CCDC85A: variants seen among roughly 807,000 people sequenced by gnomAD.
The protein encoded by CCDC85A is coiled-coil domain-containing protein 85A.
CCDC85A carries 38 observed loss-of-function variants against 50.2 expected under a neutral mutation model. The observed-to-expected ratio is 0.76, with a 90% CI of 0.58 to 0.99. The LOEUF is 0.99. Among genes scored for constraint, CCDC85A ranks in the 50% least tolerant of loss-of-function variants. The pLI is 0.00. For missense variants in CCDC85A, 820 were observed against 742.0 expected (o/e 1.11, Z -1.22); for synonymous variants, 366 against 301.4 (o/e 1.21, Z -2.22).
Position 56,184,018 on chromosome 2 carries a change from G to C in CCDC85A, c.-607G>C, listed in dbSNP as rs1240510183. On this transcript the variant is annotated 5_prime_UTR_variant, in exon 1 of 6. Coordinates refer to ENST00000407595, the MANE Select transcript of CCDC85A (RefSeq NM_001080433.2). ...CTCGACTCCGCTCTGCAAATCGAAG[G>C]CTTTCCGGAGCAGCCTAGGAGCGGC... 1 of 985,426 alleles carries C rather than the reference G, an allele frequency of 1.0e-6. No homozygotes were observed. Among genetic ancestry groups the C allele is most frequent in the African/African-American group, 1.7e-5 (1 of 57,248 alleles). The allele number at this position is 985,426 out of a possible 1,614,324, so 61.0% of individuals were successfully genotyped here. A position where few individuals can be genotyped will look rare whatever the true frequency, so the allele number is the denominator to read the frequency against.
At position 56,238,658 on chromosome 2, in the gene CCDC85A, A is replaced by G. The variant is rs148022847; in HGVS notation, c.1240+45218A>G. On this transcript the variant is annotated intron_variant, in intron 2 of 5. Transcript: ENST00000407595. The stretch of plus-strand genomic sequence containing the variant: ...GATGCTAGGTTAATTGGAGTGACTA[A>G]ATTGTAAAATTTAAATTTGTTCCCA... Among the ~76,000 whole-genome samples, 589 of 152,232 alleles carry G rather than the reference A, an allele frequency of 3.9e-3. 2 individuals are homozygous for G. The highest frequency in any genetic ancestry group is 0.014 in the African/African-American group (569 of 41,538).
At chr2:56,185,082 G>C (rs1675950800) in intron 1 of CCDC85A, among the ~76,000 whole-genome samples, 182 bp downstream of exon 1, 1 of 151,086 alleles carries the variant, frequency 6.6e-6, no homozygotes, top group Non-Finnish European at 1.5e-5. Flanking sequence ...GGAGGCGTCT[G>C]CTCCCCTCCT....
At chr2:56,246,714 G>A (rs940017821) in intron 2 of CCDC85A, among the ~76,000 whole-genome samples, 5 of 152,016 alleles carry the variant, frequency 3.3e-5, no homozygotes, top group African/African-American at 9.7e-5. Flanking sequence ...ATTATATTTA[G>A]TTGACCTGTA....
rs570603927 is a variant in CCDC85A, at chr2:56,285,328, T to G, written c.1241-57551T>G. On this transcript the variant is annotated intron_variant, in intron 2 of 5. Coordinates refer to ENST00000407595, the MANE Select transcript of CCDC85A (RefSeq NM_001080433.2). ...CATGTTGGCCAGACTGATCTTGAAC[T>G]CCTGACGTTAAGTGATCCACCTACC... 1.9e-3 allele frequency among the ~76,000 whole-genome samples: 285 copies of G among 151,220 alleles called. 2 individuals are homozygous for G. Among genetic ancestry groups the G allele is most frequent in the African/African-American group, 6.5e-3 (269 of 41,356 alleles).
chr2:56,227,240 C>G (rs541355195), intron 2 of CCDC85A, among the ~76,000 whole-genome samples: 7 of 152,092 alleles, frequency 4.6e-5, no homozygotes, highest in Admixed American at 3.3e-4. Context: ...AAGTCTCATT[C>G]TGTAATCAAG....
At chr2:56,323,107 A>G (rs562571189) in intron 2 of CCDC85A, among the ~76,000 whole-genome samples, 1 of 152,220 alleles carries the variant, frequency 6.6e-6, no homozygotes, top group South Asian at 2.1e-4. Context: ...GAACACATGG[A>G]CACAGGGTGG....
intron 1 of CCDC85A, among the ~76,000 whole-genome samples, chr2:56,186,026 C>T (rs902005757): frequency 6.6e-6 from 1 of 152,192 alleles, no homozygotes; most frequent in African/African-American, 2.4e-5. Context: ...TGCTCCAGCT[C>T]TGGGATTCTG....
intron 2 of CCDC85A, among the ~76,000 whole-genome samples, chr2:56,298,506 T>G (rs1422845241): frequency 6.6e-6 from 1 of 152,210 alleles, no homozygotes; most frequent in East Asian, 1.9e-4. Flanking sequence ...GTTTCAGGGC[T>G]CAGCTAAATT....
At chr2:56,197,734 C>G (rs1676583723) in intron 2 of CCDC85A, among the ~76,000 whole-genome samples, 3 of 152,204 alleles carry the variant, frequency 2.0e-5, no homozygotes, top group African/African-American at 7.2e-5. Flanking sequence ...CTGATCCCAG[C>G]TGTTACCGTA....
At chr2:56,232,271 A>C (rs1482979966) in intron 2 of CCDC85A, among the ~76,000 whole-genome samples, 1 of 152,068 alleles carries the variant, frequency 6.6e-6, no homozygotes, top group Non-Finnish European at 1.5e-5. Flanking sequence ...CAGACTCTGG[A>C]TTTCTTCCCC....
chr2:56,369,758 A>ATTTCCCCC (rs1257943360), intron 3 of CCDC85A, among the ~76,000 whole-genome samples: 1 of 151,866 alleles, frequency 6.6e-6, no homozygotes, highest in Non-Finnish European at 1.5e-5. Flanking sequence ...CGGATTTCCC[A>ATTTCCCCC]TTTCCCCCTT....
At chr2:56,189,942 C>T (rs1403245165) in intron 1 of CCDC85A, among the ~76,000 whole-genome samples, 1 of 151,892 alleles carries the variant, frequency 6.6e-6, no homozygotes, top group Non-Finnish European at 1.5e-5. Flanking sequence ...CAACGAGAAG[C>T]AAAAAGGAGA....
At chr2:56,251,313 C>T (rs988199995) in intron 2 of CCDC85A, among the ~76,000 whole-genome samples, 24 of 152,112 alleles carry the variant, frequency 1.6e-4, no homozygotes, top group African/African-American at 5.8e-4. Context: ...ATTTGTTGAA[C>T]ACATGGATGT....
At chr2:56,234,504 A>T (rs999576171) in intron 2 of CCDC85A, among the ~76,000 whole-genome samples, 8 of 152,090 alleles carry the variant, frequency 5.3e-5, no homozygotes, top group African/African-American at 1.7e-4. Flanking sequence ...CTTTATGATT[A>T]AAAAAAATTA....
chr2:56,259,183 G>T (rs1324097397), intron 2 of CCDC85A, among the ~76,000 whole-genome samples: 1 of 152,196 alleles, frequency 6.6e-6, no homozygotes, highest in South Asian at 2.1e-4. Flanking sequence ...GAAACAGGAA[G>T]CCTAGAATGG....
At chr2:56,201,505 C>G (rs530909852) in intron 2 of CCDC85A, among the ~76,000 whole-genome samples, 1 of 152,260 alleles carries the variant, frequency 6.6e-6, no homozygotes, top group African/African-American at 2.4e-5. Flanking sequence ...TCTCATCTTT[C>G]TCCTAATTAT....
intron 2 of CCDC85A, among the ~76,000 whole-genome samples, chr2:56,228,371 T>A (rs1453848990): frequency 4.0e-5 from 6 of 151,788 alleles, no homozygotes; most frequent in Admixed American, 3.3e-4. Flanking sequence ...ATAGTACCCA[T>A]CTTACAAGGT....
At chr2:56,250,312 G>C (rs1235279199) in intron 2 of CCDC85A, among the ~76,000 whole-genome samples, 1 of 152,212 alleles carries the variant, frequency 6.6e-6, no homozygotes, top group Admixed American at 6.5e-5. Context: ...AATTGGCACA[G>C]AGACTGTAGT....
At chr2:56,291,606 AC>A (rs1421691920) in intron 2 of CCDC85A, among the ~76,000 whole-genome samples, 1 of 152,048 alleles carries the variant, frequency 6.6e-6, no homozygotes, top group Non-Finnish European at 1.5e-5. Context: ...AAGTACAAAG[AC>A]CCTAAAGTGG....
Sources: allele counts gnomAD v4.1 joint callset (sites outside exome capture counted in the v4.1 genomes callset), GRCh38; gene constraint gnomAD v4.1.1; transcripts MANE v1.5; gene names NCBI Gene and HGNC (gene_info 2026-07-23, HGNC 2026-07-21).